The following TIMM17A variants were observed in gnomAD, a reference collection of about 807,000 sequenced individuals.
The protein encoded by TIMM17A is mitochondrial import inner membrane translocase subunit Tim17-A.
In TIMM17A, 15 loss-of-function variants were observed where a neutral mutation model predicts 26.5. That is an observed-to-expected ratio of 0.57 (90% CI 0.38 to 0.87). TIMM17A has a LOEUF of 0.87. Ranked by LOEUF, TIMM17A falls within the 40% of genes least tolerant of loss-of-function variation. The probability of loss-of-function intolerance (pLI) is 0.00; values close to 1 mark genes in which losing one functional copy is unlikely to be tolerated. For synonymous variants in TIMM17A, 80 were observed against 70.8 expected (o/e 1.13, Z -0.66); for missense variants, 201 against 210.0 (o/e 0.96, Z 0.27).
chr1:201,960,482 GA>G (rs1042696229), intron 3 of TIMM17A, among the ~76,000 whole-genome samples: 51 of 152,138 alleles, frequency 3.4e-4, no homozygotes, highest in Non-Finnish European at 6.0e-4. Context: ...TGGTAATAGG[GA>G]AAAACTGGAA....
chr1:201,957,800 A>ATTTT (rs11480520), intron 3 of TIMM17A: 14 of 317,246 alleles, frequency 4.4e-5, no homozygotes, highest in East Asian at 6.1e-5. Flanking sequence ...ACACTCGGTG[A>ATTTT]TTTTTTTTTT....
rs142631933 is a variant in TIMM17A at position 201,956,274 on chromosome 1, G to A, written c.26+722G>A. 5.4e-3 allele frequency among the ~76,000 whole-genome samples: 824 copies of A among 152,300 alleles called. 5 individuals carry two copies. The highest frequency in any genetic ancestry group is 0.019 in the African/African-American group (778 of 41,562). On this transcript the variant is annotated intron_variant, in intron 1 of 5. Transcript: ENST00000367287. ...TAGATAATTATAAAACGATGTAATT[G>A]CTGTCAGAAGTCTCAGGTTGCCAGA...
At chr1:201,964,246 C>T (rs1408196623) in intron 4 of TIMM17A, among the ~76,000 whole-genome samples, 2 of 152,230 alleles carry the variant, frequency 1.3e-5, no homozygotes, top group East Asian at 1.9e-4. Context: ...GTTGAGAGCA[C>T]TTCAGGTCCC....
chr1:201,970,350 G>C lies in TIMM17A; in HGVS notation c.*796G>C, dbSNP rs1417378384. 1.3e-5 allele frequency: 2 copies of C among 152,212 alleles called. No individual in the cohort carries two copies. Among genetic ancestry groups the C allele is most frequent in the Non-Finnish European group, 2.9e-5 (2 of 68,050 alleles). The allele number at this position is 152,212 out of a possible 1,614,324, so 9.4% of individuals were successfully genotyped here. ...ATAAAGTATGTACTGTTTTGAATGT[G>C]TTCCAAGTCCTCTGCATAAACGATG... On this transcript the variant is annotated 3_prime_UTR_variant, in exon 6 of 6. Transcript: ENST00000367287.
intron 4 of TIMM17A, among the ~76,000 whole-genome samples, chr1:201,964,918 G>A (rs1682602561): frequency 1.3e-5 from 2 of 150,878 alleles, no homozygotes; most frequent in South Asian, 4.2e-4. Context: ...AAAGTGTTGG[G>A]ATTACGGGCG....
At chr1:201,962,486 A>C (rs1682550637) in intron 3 of TIMM17A, 1 of 152,106 alleles carries the variant, frequency 6.6e-6, no homozygotes, top group Non-Finnish European at 1.5e-5. Context: ...AGCTGGGACT[A>C]CAGGTGCCCG....
At chr1:201,969,144 A>T (rs77871888) in intron 5 of TIMM17A, among the ~76,000 whole-genome samples, 9,988 of 152,252 alleles carry the variant, frequency 0.066, 445 homozygotes, top group Admixed American at 0.13. Flanking sequence ...TCTAATCTTG[A>T]TATATGGCAG....
At chr1:201,957,797 G>T in intron 3 of TIMM17A, 1 of 378,918 alleles carries the variant, frequency 2.6e-6, no homozygotes, top group Non-Finnish European at 4.4e-6. Flanking sequence ...CAGACACTCG[G>T]TGATTTTTTT....
intron 5 of TIMM17A, among the ~76,000 whole-genome samples, chr1:201,966,025 G>C (rs1349289599): frequency 1.3e-5 from 2 of 152,202 alleles, no homozygotes; most frequent in African/African-American, 2.4e-5. Context: ...GAAGAGAATA[G>C]TGGAAAGTGA....
chr1:201,967,013 GTGTATATA>G (rs965627421), intron 5 of TIMM17A, among the ~76,000 whole-genome samples: 6 of 138,744 alleles, frequency 4.3e-5, no homozygotes, highest in African/African-American at 1.3e-4. Context: ...GTGTGTGTGT[GTGTATATA>G]TATATAGTGA....
At chr1:201,967,273 C>G (rs1329206212) in intron 5 of TIMM17A, among the ~76,000 whole-genome samples, 1 of 151,892 alleles carries the variant, frequency 6.6e-6, no homozygotes, top group Non-Finnish European at 1.5e-5. Context: ...GATGACCCTG[C>G]AGACCCTCTC....
chr1:201,966,523 C>T lies in TIMM17A; in HGVS notation c.430+980C>T, dbSNP rs1358360458. The stretch of plus-strand genomic sequence containing the variant: ...ATTTCAGTGTCTAAATGAAAATATC[C>T]CTTGACAATGGAAGGATGCAAAAAG... On this transcript the variant is annotated intron_variant, in intron 5 of 5. Coordinates refer to ENST00000367287, the MANE Select transcript of TIMM17A (RefSeq NM_006335.3). Among the ~76,000 whole-genome samples, 3 of 150,844 alleles carry T rather than the reference C, an allele frequency of 2.0e-5. No homozygotes were observed. The East Asian group carries it at 5.9e-4, about 30-fold the overall frequency.
intron 5 of TIMM17A, among the ~76,000 whole-genome samples, chr1:201,967,690 G>A (rs532813122): frequency 6.6e-6 from 1 of 151,614 alleles, no homozygotes; most frequent in East Asian, 2.0e-4. Context: ...CTATAGGTGT[G>A]CACCGCTATG....
At chr1:201,965,925 C>G (rs997281575) in intron 5 of TIMM17A, among the ~76,000 whole-genome samples, 1 of 152,184 alleles carries the variant, frequency 6.6e-6, no homozygotes, top group Non-Finnish European at 1.5e-5. Context: ...ACAGTTCCTG[C>G]CCTCAAGGAC....
intron 5 of TIMM17A, among the ~76,000 whole-genome samples, chr1:201,967,939 A>AG (rs200907052): frequency 1.1e-4 from 16 of 152,266 alleles, no homozygotes; most frequent in African/African-American, 1.9e-4. Flanking sequence ...AAAGCTGTGT[A>AG]GGGGGGAAAT....
At chr1:201,963,501 A>G (rs1390166593) in intron 3 of TIMM17A, 115 bp from the exon 4 acceptor site, 2 of 1,030,650 alleles carry the variant, frequency 1.9e-6, no homozygotes, top group East Asian at 2.6e-5. Context: ...GTTTGCATGT[A>G]TTTGTTTGGA....
rs755158238 is a variant in TIMM17A at position 201,957,586 on chromosome 1, T to G, written c.190+12T>G. The G allele has an allele frequency of 4.4e-6, 7 of 1,605,326 alleles. No homozygotes were observed. In the South Asian group the frequency reaches 7.8e-5, roughly 18 times the overall value. On this transcript the variant is annotated intron_variant, in intron 3 of 5. Coordinates refer to ENST00000367287, the MANE Select transcript of TIMM17A (RefSeq NM_006335.3). ...TCCACAGTTAGGAGGTAAGCAGAAT[T>G]TTCATTTTAACTGAACTATTTTTTT... is the stretch of plus-strand genomic sequence containing the variant.
Position 201,963,677 on chromosome 1 carries a change from A to G in TIMM17A, c.252A>G (p.Arg84=), listed in dbSNP as rs1682574467. 8 of 1,611,394 alleles carry G rather than the reference A, an allele frequency of 5.0e-6. No individual in the cohort carries two copies. The highest frequency in any genetic ancestry group is 6.8e-6 in the Non-Finnish European group (8 of 1,179,322). Residue 84 remains arginine, a synonymous_variant, in exon 4 of 6, where the codon AGA becomes AGG. Transcript: ENST00000367287. ...SMIDCSMVQV[R]GKEDPWNSIT... is the part of the protein sequence containing the mutation. ...TTGACTGTAGTATGGTTCAAGTCAGAGGAAAGGAAGATCCCTGGAACTCCA... is the reference window on the plus strand; with the variant it reads ...TTGACTGTAGTATGGTTCAAGTCAGGGGAAAGGAAGATCCCTGGAACTCCA...
chr1:201,964,635 CTTTTTTTTTTTTTTTTTTTTT>C (rs570309464), intron 4 of TIMM17A, among the ~76,000 whole-genome samples: 1 of 90,954 alleles, frequency 1.1e-5, no homozygotes, highest in African/African-American at 5.1e-5. Context: ...TATTTTATTT[CTTTTTTTTTTTTTTTTTTTTT>C]TTTTTTTTTT....
Sources: gnomAD v4.1 joint callset for allele counts (sites outside exome capture counted in the v4.1 genomes callset) on GRCh38, gnomAD v4.1.1 for gene constraint, MANE v1.5 for transcripts, NCBI Gene and HGNC (gene_info 2026-07-23, HGNC 2026-07-21) for gene names.